Variants in CWC27 observed in about 807,000 individuals in gnomAD.
The protein encoded by CWC27 is CWC27 spliceosome associated cyclophilin.
A neutral mutation model predicts 63.6 loss-of-function variants in CWC27; 47 were observed. The ratio of observed to expected loss-of-function variants is 0.74; its 90% CI spans 0.58 to 0.94. The LOEUF (loss-of-function observed/expected upper bound fraction) is 0.94. Ranked by LOEUF, CWC27 falls within the 40% of genes least tolerant of loss-of-function variation. CWC27 has a pLI of 0.00. For missense variants in CWC27, 495 were observed against 554.3 expected, an observed-to-expected ratio of 0.89 and a Z score of 1.07; for synonymous variants, 175 against 179.8, an observed-to-expected ratio of 0.97 and a Z score of 0.22.
At chr5:64,948,512 A>G (rs1429936326) in intron 11 of CWC27, among the ~76,000 whole-genome samples, 2 of 151,952 alleles carry the variant, frequency 1.3e-5, no homozygotes, top group African/African-American at 4.8e-5. Context: ...TTCAAAAGCC[A>G]TTGGGTTACA....
chr5:64,862,706 CT>C (rs1478648175), intron 10 of CWC27, among the ~76,000 whole-genome samples: 1 of 152,052 alleles, frequency 6.6e-6, no homozygotes, highest in Non-Finnish European at 1.5e-5. Flanking sequence ...TTTTTTTAGT[CT>C]CTTGAGTTTT....
In CWC27 at chr5:64,799,602, A is replaced by ATG. The variant is rs143997810; in HGVS notation, c.670-646_670-645insTG. On this transcript the variant is annotated intron_variant, in intron 7 of 13. Transcript: ENST00000381070. ...TCCATCTCAAAATATATATATATAT[A>ATG]CTTAATAGCAGCAGTAGTTGTTGTT... is the stretch of plus-strand genomic sequence containing the variant. 1.1e-4 allele frequency among the ~76,000 whole-genome samples: 14 copies of ATG among 132,892 alleles called. 1 individual carries two copies. Among genetic ancestry groups the ATG allele is most frequent in the Non-Finnish European group, 1.5e-4 (9 of 61,902 alleles). The allele number at this position is 132,892 out of a possible 152,430, so 87.2% of individuals were successfully genotyped here.
intron 2 of CWC27, among the ~76,000 whole-genome samples, chr5:64,781,277 ATTGTG>A (rs1270461381): frequency 6.6e-6 from 1 of 152,132 alleles, no homozygotes; most frequent in Non-Finnish European, 1.5e-5. Flanking sequence ...TCAAGTATGT[ATTGTG>A]TTATTTGTTT....
At chr5:64,860,882 CA>C (rs1746394691) in intron 10 of CWC27, among the ~76,000 whole-genome samples, 1 of 152,136 alleles carries the variant, frequency 6.6e-6, no homozygotes, top group Admixed American at 6.5e-5. Context: ...AATCCCGTTT[CA>C]GTTATCTATT....
intron 11 of CWC27, among the ~76,000 whole-genome samples, chr5:64,913,174 G>A (rs912317707): frequency 2.6e-5 from 4 of 152,038 alleles, no homozygotes; most frequent in Admixed American, 2.0e-4. Context: ...TGATAGGAGA[G>A]AAAACATTTA....
At chr5:64,916,756 A>G (rs1402986128) in intron 11 of CWC27, among the ~76,000 whole-genome samples, 3 of 152,052 alleles carry the variant, frequency 2.0e-5, no homozygotes, top group Non-Finnish European at 4.4e-5. Context: ...TACCTATAAC[A>G]CTTGGCCTCT....
At chr5:64,847,427 C>T (rs1387151440) in intron 10 of CWC27, among the ~76,000 whole-genome samples, 1 of 152,158 alleles carries the variant, frequency 6.6e-6, no homozygotes, top group Admixed American at 6.5e-5. Flanking sequence ...TAGATTGCAG[C>T]ACAATAACAA....
At chr5:64,880,303 A>G (rs552201011) in intron 10 of CWC27, among the ~76,000 whole-genome samples, 2 of 152,102 alleles carry the variant, frequency 1.3e-5, no homozygotes, top group African/African-American at 4.8e-5. Context: ...ACATGGAAAG[A>G]GCATAGACCT....
At chr5:64,866,204 G>A (rs1197311461) in intron 10 of CWC27, among the ~76,000 whole-genome samples, 1 of 152,004 alleles carries the variant, frequency 6.6e-6, no homozygotes, top group Non-Finnish European at 1.5e-5. Flanking sequence ...ATACTTTGCT[G>A]ATATGATTTG....
At chr5:64,837,547 G>C (rs1287159647) in intron 10 of CWC27, among the ~76,000 whole-genome samples, 2 of 150,780 alleles carry the variant, frequency 1.3e-5, no homozygotes, top group Non-Finnish European at 3.0e-5. Flanking sequence ...TTTCAATAAA[G>C]TTACTGGGTT....
chr5:64,978,583 T>C (rs1399088453), intron 13 of CWC27, among the ~76,000 whole-genome samples: 3 of 147,358 alleles, frequency 2.0e-5, no homozygotes, highest in Non-Finnish European at 4.4e-5. Context: ...AGGTTTAGTT[T>C]AGTTTTGTTT....
intron 13 of CWC27, among the ~76,000 whole-genome samples, chr5:64,991,062 A>G (rs759300461): frequency 2.6e-5 from 4 of 152,248 alleles, no homozygotes; most frequent in Non-Finnish European, 5.9e-5. Flanking sequence ...GAGATAAGAT[A>G]TCATTGTAAG....
intron 10 of CWC27, among the ~76,000 whole-genome samples, chr5:64,820,400 T>C (rs1301831284): frequency 6.6e-6 from 1 of 152,168 alleles, no homozygotes; most frequent in African/African-American, 2.4e-5. Context: ...AACTTTTTGT[T>C]GTTGTTGTTG....
chr5:64,971,551 C>A, intron 11 of CWC27, 152 bp from the exon 12 acceptor site: 1 of 514,142 alleles, frequency 1.9e-6, no homozygotes, highest in Non-Finnish European at 3.4e-6. Context: ...AGTTACAGAG[C>A]TGGTGGGGCT....
At chr5:64,940,404 C>T (rs1028317023) in intron 11 of CWC27, among the ~76,000 whole-genome samples, 2 of 152,142 alleles carry the variant, frequency 1.3e-5, no homozygotes, top group East Asian at 1.9e-4. Flanking sequence ...GGTGAGGCAG[C>T]GCCCCACCCT....
intron 4 of CWC27, among the ~76,000 whole-genome samples, chr5:64,785,062 A>G (rs1233077696): frequency 6.6e-6 from 1 of 152,212 alleles, no homozygotes; most frequent in Non-Finnish European, 1.5e-5. Context: ...TAGAAGGATA[A>G]TATTAGTTCC....
At chr5:65,004,776 T>A (rs941701239) in intron 13 of CWC27, among the ~76,000 whole-genome samples, 2 of 149,206 alleles carry the variant, frequency 1.3e-5, no homozygotes, top group Non-Finnish European at 3.0e-5. Context: ...ATGTTTCTTG[T>A]GTCCTTACTT....
At chr5:64,770,798 G>A (rs1743223414) in intron 1 of CWC27, among the ~76,000 whole-genome samples, 1 of 152,194 alleles carries the variant, frequency 6.6e-6, no homozygotes, top group South Asian at 2.1e-4. Flanking sequence ...CAGTGAGTTT[G>A]AGGTTATACT....
intron 9 of CWC27, among the ~76,000 whole-genome samples, 191 bp downstream of exon 9, chr5:64,801,523 G>A (rs1220520465): frequency 5.3e-5 from 8 of 151,174 alleles, no homozygotes; most frequent in East Asian, 1.9e-4. Context: ...AGGGGTGTGC[G>A]TGTGTGTGTG....
Sources: allele counts gnomAD v4.1 joint callset (sites outside exome capture counted in the v4.1 genomes callset), GRCh38; gene constraint gnomAD v4.1.1; transcripts MANE v1.5; gene names NCBI Gene and HGNC (gene_info 2026-07-23, HGNC 2026-07-21).